Variants in CPM observed in about 807,000 individuals in gnomAD.
CPM encodes renal carboxypeptidase.
CPM carries 35 observed loss-of-function variants against 46.4 expected under a neutral mutation model. The observed-to-expected ratio is 0.75, with a 90% CI of 0.58 to 1.00. CPM has a LOEUF of 1.00. Ranked by LOEUF, CPM falls within the 50% of genes least tolerant of loss-of-function variation. The pLI is 0.00. For missense variants in CPM, 422 were observed against 530.4 expected (o/e 0.80, Z 2.01); for synonymous variants, 195 against 195.3 (o/e 1.00, Z 0.01).
In CPM at chr12:68,941,199, GTGTGTA is replaced by G. The variant is rs1443442973; in HGVS notation, c.-3-8365_-3-8360del. Among the ~76,000 whole-genome samples the G allele has an allele frequency of 6.5e-4, 98 of 151,336 alleles. No homozygotes were observed. In the Middle Eastern group the frequency reaches 0.01, roughly 16 times the overall value. On this transcript the variant is annotated intron_variant, in intron 1 of 8. Coordinates refer to the CPM transcript ENST00000546373. ...TGTGTGTGTGTGTGTGTGTGTGTGT[GTGTGTA>G]TATAAAGCTAACACATCAGCTGAGA...
intron 2 of CPM, among the ~76,000 whole-genome samples, chr12:68,909,322 G>C (rs1471136108): frequency 6.6e-6 from 1 of 152,136 alleles, no homozygotes; most frequent in Admixed American, 6.5e-5. Flanking sequence ...TAAGTCTCTG[G>C]AACTGTAGGT....
intron 7 of CPM, among the ~76,000 whole-genome samples, chr12:68,864,764 C>T (rs1273336865): frequency 6.6e-6 from 1 of 152,178 alleles, no homozygotes. Flanking sequence ...GGGATCCCAG[C>T]ACTTTGGGAG....
intron 2 of CPM, among the ~76,000 whole-genome samples, chr12:68,888,103 T>A (rs916240318): frequency 6.6e-6 from 1 of 152,236 alleles, no homozygotes; most frequent in African/African-American, 2.4e-5. Context: ...GGAATTCTTT[T>A]GTGTTAACTA....
chr12:68,933,587 C>T (rs1468234413), upstream of CPM, among the ~76,000 whole-genome samples: 1 of 151,988 alleles, frequency 6.6e-6, no homozygotes, highest in Non-Finnish European at 1.5e-5. Flanking sequence ...GGTGCCGGGG[C>T]CCACCTGGAG....
intron 2 of CPM, among the ~76,000 whole-genome samples, chr12:68,911,494 C>T (rs1179601291): frequency 6.6e-6 from 1 of 152,064 alleles, no homozygotes; most frequent in Non-Finnish European, 1.5e-5. Flanking sequence ...TGGTATTTAC[C>T]TCATAGGGTG....
At chr12:68,919,347 T>C (rs1887941530) in intron 2 of CPM, among the ~76,000 whole-genome samples, 1 of 152,242 alleles carries the variant, frequency 6.6e-6, no homozygotes, top group African/African-American at 2.4e-5. Context: ...ATAGCAATGA[T>C]CAAAATCTGA....
In CPM at chr12:68,871,937, A is replaced by G; in HGVS notation, c.278T>C (p.Leu93Pro). The G allele has an allele frequency of 6.2e-7, 1 of 1,614,146 alleles. No individual in the cohort carries two copies. The highest frequency in any genetic ancestry group is 8.5e-7 in the Non-Finnish European group (1 of 1,180,004). Residue 93 changes from leucine (L) to proline (P), a missense_variant, in exon 4 of 9, where the codon CTG becomes CCG. Leu to Pro is a moderately conservative substitution (Grantham distance 98). Transcript: ENST00000551568. ...TACGAGATAGTCAATCAGATGGAGCAGCAGCTCCCGCCCAACAGTCTATAT... is the reference window on the plus strand; with the variant it reads ...TACGAGATAGTCAATCAGATGGAGCGGCAGCTCCCGCCCAACAGTCTATAT... ...HGDETVGREL[L>P]LHLIDYLVTS...
At chr12:68,845,749 T>A in intron 5 of CPM, 1 of 159,804 alleles carries the variant, frequency 6.3e-6, no homozygotes, top group Non-Finnish European at 1.4e-5. Flanking sequence ...TCTTTCCTAA[T>A]TCCAAAATTT....
chr12:68,888,050 C>T (rs1886510626), intron 2 of CPM, among the ~76,000 whole-genome samples: 1 of 152,198 alleles, frequency 6.6e-6, no homozygotes, highest in Non-Finnish European at 1.5e-5. Flanking sequence ...AGGAACTTTT[C>T]ATGAGTGAGC....
chr12:68,912,171 C>A (rs1887623419), intron 2 of CPM, among the ~76,000 whole-genome samples: 1 of 152,114 alleles, frequency 6.6e-6, no homozygotes, highest in Non-Finnish European at 1.5e-5. Flanking sequence ...ACACACTCGG[C>A]TAATTTTGTA....
intron 3 of CPM, among the ~76,000 whole-genome samples, chr12:68,879,507 G>A (rs1014543810): frequency 2.0e-5 from 3 of 152,088 alleles, no homozygotes; most frequent in Non-Finnish European, 1.5e-5. Flanking sequence ...GGGACCACAG[G>A]TATGCACCAC....
At chr12:68,928,439 G>C (rs1051802261) in intron 2 of CPM, among the ~76,000 whole-genome samples, 1 of 152,150 alleles carries the variant, frequency 6.6e-6, no homozygotes, top group South Asian at 2.1e-4. Flanking sequence ...TTGGGAAATA[G>C]GCAGATCTGA....
At chr12:68,843,737 A>C (rs1022464252) in intron 5 of CPM, 5 of 224,214 alleles carry the variant, frequency 2.2e-5, no homozygotes, top group Non-Finnish European at 4.4e-5. Flanking sequence ...ATAAATGGCC[A>C]AAGGGATTAG....
intron 2 of CPM, among the ~76,000 whole-genome samples, chr12:68,898,057 C>T (rs1007918025): frequency 6.8e-6 from 1 of 147,146 alleles, no homozygotes. Flanking sequence ...TTTTGCCATG[C>T]TGTCTAGGCT....
At chr12:68,865,778 G>C (rs1274701592) in intron 7 of CPM, among the ~76,000 whole-genome samples, 1 of 152,138 alleles carries the variant, frequency 6.6e-6, no homozygotes, top group Non-Finnish European at 1.5e-5. Flanking sequence ...CTTGCCCAAA[G>C]AGACACCACC....
At chr12:68,930,192 G>A (rs57462831) in intron 2 of CPM, among the ~76,000 whole-genome samples, 85 of 152,206 alleles carry the variant, frequency 5.6e-4, no homozygotes, top group African/African-American at 1.9e-3. Flanking sequence ...GCTATTCTCC[G>A]GTCTCAGCCT....
At chr12:68,923,160 AGTGTGTGT>A (rs869087872) in intron 2 of CPM, among the ~76,000 whole-genome samples, 594 of 45,690 alleles carry the variant, frequency 0.013, 5 homozygotes, top group Middle Eastern at 0.035. Context: ...TTTGATATAG[AGTGTGTGT>A]GTGTGTGTGT....
chr12:68,958,202 T>C (rs1304762139), intron 1 of CPM, among the ~76,000 whole-genome samples: 1 of 152,202 alleles, frequency 6.6e-6, no homozygotes, highest in African/African-American at 2.4e-5. Context: ...TTTGGATATA[T>C]ACCCAGTAAT....
chr12:68,951,950 C>T (rs1254790502), intron 1 of CPM, among the ~76,000 whole-genome samples: 1 of 152,114 alleles, frequency 6.6e-6, no homozygotes, highest in East Asian at 1.9e-4. Context: ...CATGGGAAAC[C>T]ATGTGAGGGG....
Sources: gnomAD v4.1 joint callset for allele counts (sites outside exome capture counted in the v4.1 genomes callset) on GRCh38, gnomAD v4.1.1 for gene constraint, MANE v1.5 for transcripts, NCBI Gene and HGNC (gene_info 2026-07-23, HGNC 2026-07-21) for gene names.